The following SAMD5 variants were observed in gnomAD, a reference collection of about 807,000 sequenced individuals.
The protein encoded by SAMD5 is sterile alpha motif domain-containing protein 5.
A neutral mutation model predicts 11.3 loss-of-function variants in SAMD5; 13 were observed. The observed-to-expected ratio is 1.15, with a 90% CI of 0.75 to 1.83. The LOEUF (loss-of-function observed/expected upper bound fraction) is 1.83, where lower values mean the gene tolerates loss of function less well. Ranked by LOEUF, SAMD5 falls within the 40% of genes most tolerant of loss-of-function variation. The pLI, the probability that SAMD5 is intolerant of heterozygous loss-of-function variation, is 0.00. For missense variants in SAMD5, 255 were observed against 239.1 expected (o/e 1.07, Z -0.44); for synonymous variants, 129 against 111.3 (o/e 1.16, Z -1.00).
At chr6:147,805,723 A>G in the SAMD5 span, among the ~76,000 whole-genome samples, 1 of 152,150 alleles carries the variant, frequency 6.6e-6, no homozygotes, top group African/African-American at 2.4e-5. Flanking sequence ...ACAGTGCCTC[A>G]GAAAAGGAAG....
At chr6:147,677,841 C>T (rs1485914487) in intron 1 of SAMD5, among the ~76,000 whole-genome samples, 1 of 152,100 alleles carries the variant, frequency 6.6e-6, no homozygotes, top group Non-Finnish European at 1.5e-5. Flanking sequence ...GCAAGCCAGC[C>T]CCTTCCATGC....
the SAMD5 span, among the ~76,000 whole-genome samples, chr6:147,845,001 C>A: frequency 1.3e-5 from 2 of 152,096 alleles, no homozygotes; most frequent in South Asian, 4.2e-4. Context: ...ATGTTCTCAC[C>A]ACAAATAAAT....
chr6:147,811,800 A>G, the SAMD5 span, among the ~76,000 whole-genome samples: 1 of 152,234 alleles, frequency 6.6e-6, no homozygotes, highest in Non-Finnish European at 1.5e-5. Flanking sequence ...AGAAAACTCA[A>G]ATATAAGCTG....
intron 1 of SAMD5, among the ~76,000 whole-genome samples, chr6:147,517,572 T>A (rs566737132): frequency 1.6e-4 from 24 of 152,188 alleles, no homozygotes; most frequent in South Asian, 8.3e-4. Flanking sequence ...CTGATTTTTT[T>A]AAAAATAACA....
chr6:147,628,906 A>C (rs944145634), intron 1 of SAMD5, among the ~76,000 whole-genome samples: 3 of 152,174 alleles, frequency 2.0e-5, no homozygotes, highest in Non-Finnish European at 4.4e-5. Flanking sequence ...TCTAGAATGC[A>C]TTCTCCAGTG....
the SAMD5 span, among the ~76,000 whole-genome samples, chr6:147,876,671 G>GA: frequency 6.6e-6 from 1 of 152,216 alleles, no homozygotes; most frequent in African/African-American, 2.4e-5. Context: ...GTTTGTACTA[G>GA]AAAAATAACT....
the SAMD5 span, among the ~76,000 whole-genome samples, chr6:147,780,988 C>A: frequency 6.6e-6 from 1 of 152,044 alleles, no homozygotes; most frequent in African/African-American, 2.4e-5. Flanking sequence ...GAAAAAAATA[C>A]AATTTGAGTG....
chr6:147,549,461 T>G (rs1239865707), intron 1 of SAMD5, among the ~76,000 whole-genome samples: 2 of 151,992 alleles, frequency 1.3e-5, no homozygotes, highest in African/African-American at 4.8e-5. Context: ...GACAAATGAG[T>G]AATGGAAGGT....
At chr6:147,531,130 G>A (rs1421623587) in intron 1 of SAMD5, among the ~76,000 whole-genome samples, 2 of 149,180 alleles carry the variant, frequency 1.3e-5, no homozygotes, top group East Asian at 4.0e-4. Flanking sequence ...AAACTTTTGA[G>A]GATTTAAAAA....
At chr6:147,872,746 A>T in the SAMD5 span, among the ~76,000 whole-genome samples, 1 of 151,814 alleles carries the variant, frequency 6.6e-6, no homozygotes, top group Non-Finnish European at 1.5e-5. Flanking sequence ...CATCACCTAC[A>T]CTCAGTCTGA....
the SAMD5 span, among the ~76,000 whole-genome samples, chr6:147,870,417 C>T: frequency 2.0e-5 from 3 of 150,204 alleles, no homozygotes; most frequent in Non-Finnish European, 4.4e-5. Flanking sequence ...CTCTATTTTC[C>T]CTACATCCCC....
the SAMD5 span, among the ~76,000 whole-genome samples, chr6:147,754,334 G>A: frequency 1.5e-5 from 2 of 137,604 alleles, no homozygotes. Context: ...GTGCCTGTTT[G>A]CCATTTGTAT....
At chr6:147,706,919 C>T (rs571871271) in intron 1 of SAMD5, among the ~76,000 whole-genome samples, 71 of 152,240 alleles carry the variant, frequency 4.7e-4, no homozygotes, top group African/African-American at 1.7e-3. Context: ...TATTTTGGGC[C>T]CACACTATTT....
At chr6:147,862,167 A>C in the SAMD5 span, among the ~76,000 whole-genome samples, 1 of 152,064 alleles carries the variant, frequency 6.6e-6, no homozygotes, top group African/African-American at 2.4e-5. Context: ...TTTTTTTTTA[A>C]ATAGATAATT....
At chr6:147,835,224 C>A in the SAMD5 span, among the ~76,000 whole-genome samples, 1 of 130,490 alleles carries the variant, frequency 7.7e-6, no homozygotes, top group African/African-American at 3.4e-5. Flanking sequence ...CAGAGTGAGA[C>A]TCCATCTTAA....
At chr6:147,832,316 C>T in the SAMD5 span, among the ~76,000 whole-genome samples, 30,288 of 152,100 alleles carry the variant, frequency 0.2, 3,226 homozygotes, top group Middle Eastern at 0.28. Flanking sequence ...TTTTCTCATA[C>T]TGTTATCTAA....
At chr6:147,801,950 A>G in the SAMD5 span, among the ~76,000 whole-genome samples, 1 of 152,180 alleles carries the variant, frequency 6.6e-6, no homozygotes, top group African/African-American at 2.4e-5. Context: ...AAAAGCTATA[A>G]CTATAAAGCT....
At chr6:147,647,434 G>A (rs1790422602) in intron 1 of SAMD5, among the ~76,000 whole-genome samples, 1 of 151,798 alleles carries the variant, frequency 6.6e-6, no homozygotes, top group Non-Finnish European at 1.5e-5. Flanking sequence ...GTTTGAAGGG[G>A]GTGGCTGATG....
At position 147,569,859 on chromosome 6, in the gene SAMD5, T is replaced by G. The variant is rs1306995980; in HGVS notation, c.*5403T>G. On this transcript the variant is annotated 3_prime_UTR_variant, in exon 2 of 2. Coordinates refer to ENST00000367474, the MANE Select transcript of SAMD5 (RefSeq NM_001030060.3). ...TGTAAATGTAATTGCAATTGACACT[T>G]TCTTTTCCCTTTCAGTTATTATTTT... 1 of 985,052 alleles carries G rather than the reference T, an allele frequency of 1.0e-6. No individual in the cohort carries two copies. Among genetic ancestry groups the G allele is most frequent in the African/African-American group, 1.7e-5 (1 of 57,244 alleles). 61.0% of individuals were successfully genotyped at this position (985,052 alleles called of 1,614,324 possible).
Sources: gnomAD v4.1 joint callset for allele counts (sites outside exome capture counted in the v4.1 genomes callset) on GRCh38, gnomAD v4.1.1 for gene constraint, MANE v1.5 for transcripts, NCBI Gene and HGNC (gene_info 2026-07-23, HGNC 2026-07-21) for gene names.